The following EVI5 variants were observed in gnomAD, a reference collection of about 807,000 sequenced individuals.
EVI5 encodes the protein ecotropic viral integration site 5.
In EVI5, 73 loss-of-function variants were observed where a neutral mutation model predicts 112.0. That is an observed-to-expected ratio of 0.65 (90% CI 0.54 to 0.79). The LOEUF (loss-of-function observed/expected upper bound fraction) is 0.79. Ranked by LOEUF, EVI5 falls within the 30% of genes least tolerant of loss-of-function variation. The pLI, the probability that EVI5 is intolerant of heterozygous loss-of-function variation, is 0.00. For missense variants in EVI5, 900 were observed against 968.8 expected, an observed-to-expected ratio of 0.93 and a Z score of 0.94; for synonymous variants, 305 against 319.9, an observed-to-expected ratio of 0.95 and a Z score of 0.50.
At chr1:92,634,964 T>G (rs184336745) in intron 14 of EVI5, among the ~76,000 whole-genome samples, 16 of 152,342 alleles carry the variant, frequency 1.1e-4, no homozygotes, top group African/African-American at 3.8e-4. Context: ...TGTTTGCCTG[T>G]GTATCAGCAG....
intron 13 of EVI5, among the ~76,000 whole-genome samples, chr1:92,657,493 T>A (rs545037321): frequency 2.0e-5 from 3 of 152,014 alleles, no homozygotes; most frequent in East Asian, 3.9e-4. Context: ...CGAAAACCCA[T>A]CTCTACAAAA....
chr1:92,637,038 T>C (rs1658999638), intron 13 of EVI5, among the ~76,000 whole-genome samples: 1 of 152,102 alleles, frequency 6.6e-6, no homozygotes, highest in Non-Finnish European at 1.5e-5. Context: ...GTACCTACAA[T>C]AATGTGAACC....
intron 1 of EVI5, among the ~76,000 whole-genome samples, chr1:92,770,779 G>A (rs1683306134): frequency 1.3e-5 from 2 of 151,890 alleles, no homozygotes; most frequent in African/African-American, 2.4e-5. Context: ...GACAGAGCGG[G>A]ACTCCATCTC....
chr1:92,756,783 G>A, intron 1 of EVI5: 1 of 514,384 alleles, frequency 1.9e-6, no homozygotes, highest in Non-Finnish European at 4.0e-6. Context: ...AGCTACAGAT[G>A]TGTCCTCCTG....
chr1:92,669,703 C>G (rs1437677585), intron 10 of EVI5, among the ~76,000 whole-genome samples: 3 of 151,690 alleles, frequency 2.0e-5, no homozygotes, highest in Admixed American at 1.3e-4. Flanking sequence ...CCTAGATATA[C>G]TTTTATTTTT....
At chr1:92,546,828 G>C (rs1191325358) in intron 19 of EVI5, among the ~76,000 whole-genome samples, 2 of 152,114 alleles carry the variant, frequency 1.3e-5, no homozygotes, top group African/African-American at 4.8e-5. Context: ...CCCAATACAG[G>C]AGCACCCAGA....
intron 18 of EVI5, among the ~76,000 whole-genome samples, chr1:92,577,381 C>A (rs1233473229): frequency 2.0e-5 from 3 of 152,194 alleles, no homozygotes; most frequent in African/African-American, 7.2e-5. Flanking sequence ...GACTGGCAGC[C>A]TGGAAGTTTT....
intron 1 of EVI5, among the ~76,000 whole-genome samples, chr1:92,792,016 T>G (rs1266106439): frequency 6.6e-6 from 1 of 152,220 alleles, no homozygotes; most frequent in South Asian, 2.1e-4. Flanking sequence ...AATGTGTATA[T>G]TCAAAGAAAC....
At chr1:92,568,553 T>G (rs1669846409) in intron 18 of EVI5, among the ~76,000 whole-genome samples, 2 of 152,190 alleles carry the variant, frequency 1.3e-5, no homozygotes, top group East Asian at 1.9e-4. Flanking sequence ...TATGATTTCA[T>G]GCCTGTGCAT....
intron 2 of EVI5, among the ~76,000 whole-genome samples, chr1:92,707,824 T>C (rs1175928281): frequency 6.6e-6 from 1 of 152,194 alleles, no homozygotes; most frequent in Non-Finnish European, 1.5e-5. Flanking sequence ...AGCAGCTTTA[T>C]TCACAATAGC....
intron 13 of EVI5, among the ~76,000 whole-genome samples, chr1:92,661,741 T>A (rs1325485379): frequency 1.3e-5 from 2 of 152,146 alleles, no homozygotes; most frequent in African/African-American, 4.8e-5. Context: ...TTTTTCTTTT[T>A]GCTTCTGGTT....
intron 19 of EVI5, among the ~76,000 whole-genome samples, chr1:92,554,189 T>C (rs1224908875): frequency 6.6e-6 from 1 of 152,208 alleles, no homozygotes; most frequent in Non-Finnish European, 1.5e-5. Context: ...ATAAAGAATA[T>C]GAGCTATGAG....
chr1:92,752,527 A>G (rs1395946783), intron 1 of EVI5, among the ~76,000 whole-genome samples: 2 of 151,748 alleles, frequency 1.3e-5, no homozygotes, highest in Non-Finnish European at 2.9e-5. Context: ...TGTGCTTAGC[A>G]CTCCAATGGG....
chr1:92,582,968 T>G (rs1672184510), intron 18 of EVI5, among the ~76,000 whole-genome samples: 1 of 152,214 alleles, frequency 6.6e-6, no homozygotes, highest in Non-Finnish European at 1.5e-5. Context: ...TACATATGCA[T>G]GTAACATATA....
chr1:92,578,125 T>C (rs1343422659), intron 18 of EVI5, among the ~76,000 whole-genome samples: 2 of 152,206 alleles, frequency 1.3e-5, no homozygotes, highest in African/African-American at 2.4e-5. Context: ...AAGAATTAGT[T>C]TGAAAAGCCC....
chr1:92,757,437 C>G (rs1015365254), intron 1 of EVI5, among the ~76,000 whole-genome samples: 1 of 150,958 alleles, frequency 6.6e-6, no homozygotes, highest in African/African-American at 2.4e-5. Context: ...TATCTTTGTT[C>G]TCTAGAAGAA....
At chr1:92,729,325 T>C (rs531257079) in intron 2 of EVI5, among the ~76,000 whole-genome samples, 2 of 152,192 alleles carry the variant, frequency 1.3e-5, no homozygotes, top group Non-Finnish European at 2.9e-5. Context: ...GGTCTGAAAC[T>C]ATCCACAGTT....
At chr1:92,741,281 C>T (rs1365290113) in intron 1 of EVI5, among the ~76,000 whole-genome samples, 8 of 152,144 alleles carry the variant, frequency 5.3e-5, no homozygotes, top group Non-Finnish European at 2.9e-5. Flanking sequence ...CAAGAATGAG[C>T]AAGACCAAAG....
chr1:92,691,845 G>T (rs1669553396), intron 9 of EVI5, among the ~76,000 whole-genome samples: 1 of 152,200 alleles, frequency 6.6e-6, no homozygotes, highest in African/African-American at 2.4e-5. Flanking sequence ...GTTTGGAAAT[G>T]ACTGCTGAAT....
Sources: allele counts gnomAD v4.1 joint callset (sites outside exome capture counted in the v4.1 genomes callset), GRCh38; gene constraint gnomAD v4.1.1; transcripts MANE v1.5; gene names NCBI Gene and HGNC (gene_info 2026-07-23, HGNC 2026-07-21).